The following NKAIN2 variants were observed in gnomAD, a reference collection of about 807,000 sequenced individuals.
NKAIN2 encodes the protein sodium/potassium transporting ATPase interacting 2, also known as sodium/potassium-transporting ATPase subunit beta-1-interacting protein 2.
A neutral mutation model predicts 32.6 loss-of-function variants in NKAIN2; 14 were observed. The ratio of observed to expected loss-of-function variants is 0.43; its 90% confidence interval spans 0.28 to 0.67. NKAIN2 has a LOEUF of 0.67. Among genes scored for constraint, NKAIN2 ranks in the 30% least tolerant of loss-of-function variants. The probability of loss-of-function intolerance (pLI) is 0.17; values close to 1 mark genes in which losing one functional copy is unlikely to be tolerated. For synonymous variants in NKAIN2, 80 were observed against 87.2 expected (o/e 0.92, Z 0.46); for missense variants, 198 against 258.3 (o/e 0.77, Z 1.60).
intron 4 of NKAIN2, among the ~76,000 whole-genome samples, chr6:124,755,238 ACATC>A (rs940081169): frequency 6.6e-6 from 1 of 152,130 alleles, no homozygotes; most frequent in African/African-American, 2.4e-5. Context: ...ACAGAAGGAG[ACATC>A]CAATATGGGA....
intron 1 of NKAIN2, among the ~76,000 whole-genome samples, chr6:124,245,600 C>A (rs1272306986): frequency 6.6e-6 from 1 of 152,026 alleles, no homozygotes; most frequent in Non-Finnish European, 1.5e-5. Context: ...GCTTCAGTAA[C>A]TGATATTCAG....
intron 3 of NKAIN2, among the ~76,000 whole-genome samples, chr6:124,508,609 C>T (rs140239636): frequency 0.023 from 3,506 of 152,164 alleles, 153 homozygotes; most frequent in East Asian, 0.13. Flanking sequence ...TCCCAAAGTG[C>T]TGGGATTACA....
intron 3 of NKAIN2, among the ~76,000 whole-genome samples, chr6:124,364,755 GA>G (rs956447044): frequency 6.6e-5 from 10 of 150,974 alleles, no homozygotes; most frequent in Admixed American, 1.3e-4. Context: ...GGCAGAGTGA[GA>G]AAAAAAACAC....
intron 1 of NKAIN2, among the ~76,000 whole-genome samples, chr6:124,095,289 T>C (rs1784604870): frequency 6.6e-6 from 1 of 152,136 alleles, no homozygotes; most frequent in Admixed American, 6.5e-5. Flanking sequence ...ATACTGGATG[T>C]TTTCCTTGTT....
chr6:124,021,671 A>G (rs975648237), intron 1 of NKAIN2, among the ~76,000 whole-genome samples: 2 of 151,976 alleles, frequency 1.3e-5, no homozygotes, highest in Non-Finnish European at 2.9e-5. Context: ...TTTTTGCCTT[A>G]TAGGCTTATA....
At chr6:124,434,656 C>A (rs182665168) in intron 3 of NKAIN2, among the ~76,000 whole-genome samples, 1 of 152,284 alleles carries the variant, frequency 6.6e-6, no homozygotes, top group East Asian at 1.9e-4. Context: ...ATGAAACTTT[C>A]ACTTCTCTTA....
chr6:124,246,347 G>A (rs1251305083), intron 1 of NKAIN2, among the ~76,000 whole-genome samples: 1 of 151,986 alleles, frequency 6.6e-6, no homozygotes, highest in African/African-American at 2.4e-5. Flanking sequence ...ATGCCATTCA[G>A]TATCACCCAA....
chr6:124,449,484 T>G (rs572913788), intron 3 of NKAIN2, among the ~76,000 whole-genome samples: 1 of 152,034 alleles, frequency 6.6e-6, no homozygotes, highest in Non-Finnish European at 1.5e-5. Context: ...TAGAGGTAAG[T>G]GACAAACCTA....
chr6:124,337,215 C>G (rs530243565), intron 2 of NKAIN2, among the ~76,000 whole-genome samples: 1 of 152,198 alleles, frequency 6.6e-6, no homozygotes, highest in South Asian at 2.1e-4. Context: ...AAAAAATACT[C>G]GCTGGGTGTG....
chr6:123,851,627 G>C (rs931466466), intron 1 of NKAIN2, among the ~76,000 whole-genome samples: 3 of 152,082 alleles, frequency 2.0e-5, no homozygotes, highest in Admixed American at 6.5e-5. Flanking sequence ...CAGTTTACAA[G>C]TGTTTCCTTG....
At chr6:124,531,458 T>C (rs1364860372) in intron 3 of NKAIN2, among the ~76,000 whole-genome samples, 1 of 152,230 alleles carries the variant, frequency 6.6e-6, no homozygotes, top group Non-Finnish European at 1.5e-5. Flanking sequence ...TAATGTTTTG[T>C]TGAGATTTTT....
Position 124,213,324 on chromosome 6 carries a change from A to G in NKAIN2, c.55-69681A>G, listed in dbSNP as rs111523031. 4.7e-3 allele frequency among the ~76,000 whole-genome samples: 722 copies of G among 152,254 alleles called. 8 individuals are homozygous for G. Among genetic ancestry groups the G allele is most frequent in the African/African-American group, 0.016 (673 of 41,566 alleles). ...GGTACTCAATAAATATTTGTCAAAT[A>G]ACTAAATAAATGAGCTGTGTTAAAA... On this transcript the variant is annotated intron_variant, in intron 1 of 6. Coordinates refer to ENST00000368417, the MANE Select transcript of NKAIN2 (RefSeq NM_001040214.3).
At chr6:124,259,937 T>G (rs1794153711) in intron 1 of NKAIN2, among the ~76,000 whole-genome samples, 1 of 152,224 alleles carries the variant, frequency 6.6e-6, no homozygotes, top group African/African-American at 2.4e-5. Flanking sequence ...TGACAAAGTA[T>G]ACATTAAACC....
intron 5 of NKAIN2, among the ~76,000 whole-genome samples, chr6:124,814,040 G>A (rs896463711): frequency 6.6e-6 from 1 of 152,092 alleles, no homozygotes; most frequent in Non-Finnish European, 1.5e-5. Context: ...AAAAATGTAA[G>A]CTAACCCCAG....
chr6:123,825,015 A>C (rs1043024715), intron 1 of NKAIN2, among the ~76,000 whole-genome samples: 1 of 152,158 alleles, frequency 6.6e-6, no homozygotes, highest in African/African-American at 2.4e-5. Flanking sequence ...ACAGTTCTAG[A>C]GGCTGGGAAG....
chr6:123,995,841 T>G (rs964467813), intron 1 of NKAIN2, among the ~76,000 whole-genome samples: 1 of 152,302 alleles, frequency 6.6e-6, no homozygotes, highest in South Asian at 2.1e-4. Context: ...CAGAACGAAC[T>G]GACTGAAATA....
chr6:124,314,748 C>T (rs544932448), intron 2 of NKAIN2, among the ~76,000 whole-genome samples: 21 of 152,158 alleles, frequency 1.4e-4, no homozygotes, highest in Non-Finnish European at 2.8e-4. Context: ...CTGCTGTGAG[C>T]CCTCAACAGC....
intron 3 of NKAIN2, among the ~76,000 whole-genome samples, chr6:124,403,025 A>G (rs1321031717): frequency 6.6e-6 from 1 of 152,208 alleles, no homozygotes; most frequent in Non-Finnish European, 1.5e-5. Flanking sequence ...AAGTTATAGA[A>G]TCAGGTTGGT....
intron 1 of NKAIN2, among the ~76,000 whole-genome samples, chr6:124,073,077 TGAA>T (rs894655522): frequency 1.3e-5 from 2 of 152,172 alleles, no homozygotes; most frequent in African/African-American, 4.8e-5. Flanking sequence ...AGCAGGGTTG[TGAA>T]GAAGTAGAAC....
Sources: gnomAD v4.1 joint callset for allele counts (sites outside exome capture counted in the v4.1 genomes callset) on GRCh38, gnomAD v4.1.1 for gene constraint, MANE v1.5 for transcripts, NCBI Gene and HGNC (gene_info 2026-07-23, HGNC 2026-07-21) for gene names.